Variants in STPG2 observed in about 807,000 individuals in gnomAD.
STPG2 encodes the protein sperm-tail PG-rich repeat-containing protein 2.
STPG2 carries 56 observed loss-of-function variants against 54.2 expected under a neutral mutation model. The ratio of observed to expected loss-of-function variants is 1.03; its 90% CI spans 0.83 to 1.29. STPG2 has a LOEUF of 1.29. Ranked by LOEUF, STPG2 falls within the 50% of genes most tolerant of loss-of-function variation. The pLI, the probability that STPG2 is intolerant of heterozygous loss-of-function variation, is 0.00. For missense variants in STPG2, 596 were observed against 544.9 expected, an observed-to-expected ratio of 1.09 and a Z score of -0.93; for synonymous variants, 200 against 181.8, an observed-to-expected ratio of 1.10 and a Z score of -0.81.
intron 10 of STPG2, among the ~76,000 whole-genome samples, chr4:97,566,230 C>T (rs1010596903): frequency 2.6e-5 from 4 of 152,204 alleles, no homozygotes; most frequent in African/African-American, 9.6e-5. Context: ...GGGCATAGGA[C>T]CCTCCGAGCC....
At chr4:97,907,556 C>A (rs984715261) in intron 8 of STPG2, among the ~76,000 whole-genome samples, 1 of 151,986 alleles carries the variant, frequency 6.6e-6, no homozygotes, top group Non-Finnish European at 1.5e-5. Flanking sequence ...GCCTACATCG[C>A]CAAGTCAATC....
In STPG2 at chr4:97,742,540, T is replaced by C. The variant is rs867830391; in HGVS notation, c.1205-29726A>G. On this transcript the variant is annotated intron_variant, in intron 9 of 10. Transcript: ENST00000295268. ...TAAACTGTGTGTGTGTGTGTGTGTG[T>C]GTGTGTGTGTGTGTGTGTGTGTGTG... Among the ~76,000 whole-genome samples the C allele has an allele frequency of 4.2e-3, 602 of 141,910 alleles. 2 individuals carry two copies. Among genetic ancestry groups the C allele is most frequent in the Middle Eastern group, 0.021 (6 of 280 alleles). The allele number at this position is 141,910 out of a possible 152,430, so 93.1% of individuals were successfully genotyped here. A position where few individuals can be genotyped will look rare whatever the true frequency, so the allele number is the denominator to read the frequency against.
intron 9 of STPG2, among the ~76,000 whole-genome samples, chr4:97,833,730 T>C (rs1208710465): frequency 6.6e-6 from 1 of 152,158 alleles, no homozygotes; most frequent in South Asian, 2.1e-4. Flanking sequence ...AAGACATTTA[T>C]GCAGCCAACA....
intron 9 of STPG2, among the ~76,000 whole-genome samples, chr4:97,785,554 T>C (rs111343360): frequency 3.3e-5 from 5 of 152,062 alleles, no homozygotes; most frequent in Admixed American, 3.3e-4. Flanking sequence ...GAATAGGAGA[T>C]TGGATCTCTT....
At chr4:97,537,412 T>G (rs760141294) in intron 4 of STPG2, among the ~76,000 whole-genome samples, 4 of 152,172 alleles carry the variant, frequency 2.6e-5, no homozygotes, top group Non-Finnish European at 5.9e-5. Flanking sequence ...GTGCAAGGCT[T>G]GGAGGGTCCC....
intron 4 of STPG2, among the ~76,000 whole-genome samples, chr4:97,498,338 A>G (rs1027883052): frequency 1.1e-3 from 164 of 152,130 alleles, no homozygotes; most frequent in Non-Finnish European, 7.1e-4. Context: ...AAGAATTTTA[A>G]TACAAAGTCC....
At chr4:97,838,253 T>C (rs1728691020) in intron 9 of STPG2, among the ~76,000 whole-genome samples, 1 of 151,436 alleles carries the variant, frequency 6.6e-6, no homozygotes, top group Non-Finnish European at 1.5e-5. Context: ...ACTTCTTTTC[T>C]TATTTTGTTA....
At chr4:97,793,953 T>A (rs1440857691) in intron 9 of STPG2, among the ~76,000 whole-genome samples, 1 of 152,050 alleles carries the variant, frequency 6.6e-6, no homozygotes, top group East Asian at 1.9e-4. Flanking sequence ...TACTTTTCCA[T>A]ATATATTTTA....
rs951950993 is a variant in STPG2 at position 97,637,407 on chromosome 4, G to C, written c.1320+75292C>G. Among the ~76,000 whole-genome samples, 26 of 152,210 alleles carry C rather than the reference G, an allele frequency of 1.7e-4. 1 individual carries two copies. Among genetic ancestry groups the C allele is most frequent in the Middle Eastern group, 6.8e-3 (2 of 294 alleles). On this transcript the variant is annotated intron_variant, in intron 10 of 10. Coordinates refer to ENST00000295268, the MANE Select transcript of STPG2 (RefSeq NM_174952.3). ...TATCATACTGAATGGGCAAAAACTGGAAGCATTCCCTTTGAAAACTGGCAC... is the reference window on the plus strand; with the variant it reads ...TATCATACTGAATGGGCAAAAACTGCAAGCATTCCCTTTGAAAACTGGCAC...
At chr4:98,022,002 A>G (rs1560640739) in intron 5 of STPG2, among the ~76,000 whole-genome samples, 1 of 151,410 alleles carries the variant, frequency 6.6e-6, no homozygotes, top group African/African-American at 2.4e-5. Context: ...TAATTGGAGC[A>G]TATAGCCCAT....
chr4:97,929,696 T>G (rs770492236), intron 8 of STPG2, among the ~76,000 whole-genome samples: 6 of 152,220 alleles, frequency 3.9e-5, no homozygotes, highest in Non-Finnish European at 7.3e-5. Flanking sequence ...TGTCTGTTCA[T>G]GTCCTTTGCC....
intron 9 of STPG2, among the ~76,000 whole-genome samples, chr4:97,747,725 G>A (rs376278199): frequency 1.3e-4 from 19 of 151,326 alleles, no homozygotes; most frequent in South Asian, 4.2e-4. Context: ...AAGACAAAGC[G>A]TGCATTTTTA....
intron 1 of STPG2, among the ~76,000 whole-genome samples, chr4:98,136,251 C>T (rs1220857207): frequency 1.3e-5 from 2 of 151,472 alleles, no homozygotes; most frequent in African/African-American, 4.8e-5. Context: ...AATTCTTAAT[C>T]CCTTTAAAAA....
intron 10 of STPG2, among the ~76,000 whole-genome samples, chr4:97,707,828 C>T (rs1412108685): frequency 6.6e-6 from 1 of 151,914 alleles, no homozygotes; most frequent in African/African-American, 2.4e-5. Context: ...ATATCCAAAT[C>T]AAAAGAAAAT....
At chr4:97,803,897 G>A (rs745509499) in intron 9 of STPG2, among the ~76,000 whole-genome samples, 5 of 152,102 alleles carry the variant, frequency 3.3e-5, no homozygotes, top group Non-Finnish European at 5.9e-5. Context: ...CCGATGTCAC[G>A]TTATTTCAAT....
chr4:98,066,955 T>G lies in STPG2; in HGVS notation c.612+38998A>C, dbSNP rs559475345. 1.3e-5 allele frequency among the ~76,000 whole-genome samples: 2 copies of G among 152,314 alleles called. 1 individual carries two copies. The highest frequency in any genetic ancestry group is 4.1e-4 in the South Asian group (2 of 4,828). ...AGAAACACAGAGAAATCCAATTCTC[T>G]TTTTAAGAGGTTGGCATTTATGGAT... On this transcript the variant is annotated intron_variant, in intron 5 of 10. Coordinates refer to ENST00000295268, the MANE Select transcript of STPG2 (RefSeq NM_174952.3).
At chr4:97,995,176 C>T (rs1161651899) in intron 5 of STPG2, among the ~76,000 whole-genome samples, 2 of 148,028 alleles carry the variant, frequency 1.4e-5, no homozygotes, top group Non-Finnish European at 3.0e-5. Context: ...CCTCACCCCC[C>T]CACCCCCTGC....
intron 3 of STPG2, among the ~76,000 whole-genome samples, chr4:98,117,956 G>A (rs10470894): frequency 0.39 from 59,398 of 151,778 alleles, 11,860 homozygotes; most frequent in Middle Eastern, 0.45. Context: ...TTCTTTTTCT[G>A]TATATGGGCC....
chr4:97,453,751 T>C (rs1329221301), intron 4 of STPG2, among the ~76,000 whole-genome samples: 1 of 152,120 alleles, frequency 6.6e-6, no homozygotes, highest in Non-Finnish European at 1.5e-5. Flanking sequence ...GAAAACAATA[T>C]ACTGGAGTCC....
Sources: gnomAD v4.1 joint callset for allele counts (sites outside exome capture counted in the v4.1 genomes callset) on GRCh38, gnomAD v4.1.1 for gene constraint, MANE v1.5 for transcripts, NCBI Gene and HGNC (gene_info 2026-07-23, HGNC 2026-07-21) for gene names.